The following AP1M1 variants were observed in gnomAD, a reference collection of about 807,000 sequenced individuals.
AP1M1 encodes adaptor related protein complex 1 subunit mu 1.
Under a neutral mutation model 57.1 loss-of-function variants are expected in AP1M1, and 18 were observed. That is an observed-to-expected ratio of 0.32 (90% confidence interval 0.22 to 0.47). AP1M1 has a LOEUF of 0.47. AP1M1 is among the 20% of genes least tolerant of loss of function. AP1M1 has a pLI of 1.00. For missense variants in AP1M1, 362 were observed against 593.5 expected (o/e 0.61, Z 4.05); for synonymous variants, 241 against 237.9 (o/e 1.01, Z -0.12).
At position 16,227,047 on chromosome 19, in the gene AP1M1, C is replaced by G. The variant is rs531693205; in HGVS notation, c.673+500C>G. ...TGTCACAGGCCACTGGAAGAGGGTG[C>G]AGTGGCTGGGCATGCCCCCGTTCCT... On this transcript the variant is annotated intron_variant, in intron 6 of 11. Coordinates refer to ENST00000291439, the MANE Select transcript of AP1M1 (RefSeq NM_032493.4). The surrounding 1 kb of genome is among the most constrained non-coding windows in gnomAD (Gnocchi z 6.2). 4.6e-5 allele frequency among the ~76,000 whole-genome samples: 7 copies of G among 152,288 alleles called. No homozygotes were observed. The East Asian group carries it at 1.2e-3, about 25-fold the overall frequency.
Position 16,234,227 on chromosome 19 carries a change from G to C in AP1M1, c.1202G>C (p.Ser401Thr). The change falls in exon 11 of 12, where the codon AGT becomes ACT. Residue 401 changes from serine (S) to threonine (T), a missense_variant. Ser to Thr is a moderately conservative substitution (Grantham distance 58). Transcript: ENST00000291439. The stretch of plus-strand genomic sequence containing the variant: ...CGCTACCTGAAGATCATTGAGAAGA[G>C]TGGGTACCAGGCCCTGCCCTGGGTG... ...QVRYLKIIEK[S>T]GYQALPWVRY... 1.2e-6 allele frequency: 2 copies of C among 1,613,948 alleles called. No individual in the cohort carries two copies. Among genetic ancestry groups the C allele is most frequent in the Non-Finnish European group, 1.7e-6 (2 of 1,179,906 alleles).
At position 16,206,313 on chromosome 19, in the gene AP1M1, A is replaced by T; in HGVS notation, c.200-28A>T. The T allele has an allele frequency of 6.2e-7, 1 of 1,613,352 alleles. No homozygotes were observed. The highest frequency in any genetic ancestry group is 8.5e-7 in the Non-Finnish European group (1 of 1,179,418). On this transcript the variant is annotated intron_variant, in intron 2 of 11. Coordinates refer to ENST00000291439, the MANE Select transcript of AP1M1 (RefSeq NM_032493.4). This position sits in a 1 kb window ranked among gnomAD's most constrained non-coding sequence, Gnocchi z 4.3. The stretch of plus-strand genomic sequence containing the variant: ...TCCAGGCAGCAGCCCCAGCCTCTGA[A>T]TGCTCCTTAACTGTGGCCGCCATGC...
Position 16,234,831 on chromosome 19 carries a change from G to A in AP1M1, c.*396G>A, listed in dbSNP as rs1568357163. On this transcript the variant is annotated 3_prime_UTR_variant, in exon 12 of 12. Transcript: ENST00000291439. ...AGCGCCAGCCTCGCCAGGCCAGCAG[G>A]GGCGTCGTTTTGTTGCCATTTTGTT... 13 of 343,762 alleles carry A rather than the reference G, an allele frequency of 3.8e-5. No individual in the cohort carries two copies. The East Asian group carries it at 7.3e-4, about 19-fold the overall frequency. The allele number at this position is 343,762 out of a possible 1,614,324, so 21.3% of individuals were successfully genotyped here.
intron 2 of AP1M1, among the ~76,000 whole-genome samples, chr19:16,204,622 C>T (rs562490509): frequency 7.9e-5 from 12 of 152,300 alleles, no homozygotes; most frequent in African/African-American, 2.6e-4. Flanking sequence ...CCAGAATATC[C>T]GCTGGGAGCC....
chr19:16,214,744 C>A (rs80084799), intron 5 of AP1M1, among the ~76,000 whole-genome samples: 1,761 of 151,836 alleles, frequency 0.012, 43 homozygotes, highest in African/African-American at 0.04. Context: ...CTGAAAGGAT[C>A]TTTTTTATTC....
At chr19:16,216,484 G>A (rs1346200322) in intron 5 of AP1M1, among the ~76,000 whole-genome samples, 2 of 152,096 alleles carry the variant, frequency 1.3e-5, no homozygotes, top group Admixed American at 1.3e-4. Context: ...AACTACTGCA[G>A]TTTGGAGGAA....
At chr19:16,232,934 C>A (rs1263812378) in intron 9 of AP1M1, among the ~76,000 whole-genome samples, 2 of 152,194 alleles carry the variant, frequency 1.3e-5, no homozygotes, top group Non-Finnish European at 2.9e-5. Context: ...ACCCCCTGCT[C>A]ACCCTCAGGA....
intron 2 of AP1M1, among the ~76,000 whole-genome samples, chr19:16,205,649 C>A (rs2091466440): frequency 6.6e-6 from 1 of 152,184 alleles, no homozygotes; most frequent in South Asian, 2.1e-4. Flanking sequence ...GAAGAACCAG[C>A]CTTCTCTGGC....
intron 5 of AP1M1, among the ~76,000 whole-genome samples, chr19:16,213,068 G>A (rs566557965): frequency 4.6e-5 from 7 of 152,062 alleles, no homozygotes; most frequent in South Asian, 2.1e-4. Context: ...ATATTCTCTC[G>A]TTTTTGGGTG....
rs2091478360 is a variant in AP1M1, at chr19:16,208,284, G to A, written c.398+135G>A. 27 of 1,001,404 alleles carry A rather than the reference G, an allele frequency of 2.7e-5. No homozygotes were observed. In the South Asian group the frequency reaches 3.7e-4, roughly 14 times the overall value. The allele number at this position is 1,001,404 out of a possible 1,614,324, so 62.0% of individuals were successfully genotyped here. ...CTGCCTCCCACCTCCAGCAGTATTC[G>A]GGTTTTTACTAAGTTGCTCTTAGTG... On this transcript the variant is annotated intron_variant, in intron 4 of 11. Coordinates refer to ENST00000291439, the MANE Select transcript of AP1M1 (RefSeq NM_032493.4).
At chr19:16,199,348 C>CT (rs1466806070) in intron 1 of AP1M1, among the ~76,000 whole-genome samples, 2 of 152,158 alleles carry the variant, frequency 1.3e-5, no homozygotes, top group East Asian at 3.8e-4. Context: ...TCTGAGAAAA[C>CT]TTTAAGAAGG....
rs904616133 is a variant in AP1M1, at chr19:16,227,810, C to T, written c.816+120C>T. ...ACCCCACGCTCCATGAGCTGCCTGG[C>T]TCTGCAGAGATGGAGTCTGAGGACT... On this transcript the variant is annotated intron_variant, in intron 7 of 11. Transcript: ENST00000291439. The surrounding 1 kb of genome is among the most constrained non-coding windows in gnomAD (Gnocchi z 6.2). The T allele has an allele frequency of 2.3e-6, 3 of 1,305,126 alleles. No homozygotes were observed. Among genetic ancestry groups the T allele is most frequent in the African/African-American group, 1.5e-5 (1 of 68,854 alleles). 80.8% of individuals were successfully genotyped at this position (1,305,126 alleles called of 1,614,324 possible). A position where few individuals can be genotyped will look rare whatever the true frequency, so the allele number is the denominator to read the frequency against.
intron 2 of AP1M1, among the ~76,000 whole-genome samples, chr19:16,205,450 A>T (rs1352123302): frequency 2.6e-5 from 4 of 152,120 alleles, no homozygotes; most frequent in Non-Finnish European, 5.9e-5. Context: ...AGCAGGAGGG[A>T]GGCCAGCACT....
Position 16,228,927 on chromosome 19 carries a change from C to T in AP1M1, c.1046C>T (p.Pro349Leu), listed in dbSNP as rs1453358092. The T allele has an allele frequency of 6.2e-6, 10 of 1,613,836 alleles. No individual in the cohort carries two copies. The highest frequency in any genetic ancestry group is 2.7e-5 in the African/African-American group (2 of 75,036). The change falls in exon 9 of 12, where the codon CCG (proline) becomes CTG (leucine). Residue 349 changes from proline to leucine, a missense_variant and splice_region_variant. Physicochemically the swap from Pro to Leu is moderately conservative, Grantham distance 98. Coordinates refer to ENST00000291439, the MANE Select transcript of AP1M1 (RefSeq NM_032493.4). This position sits in a 1 kb window ranked among gnomAD's most constrained non-coding sequence, Gnocchi z 5.0. ...SEIVWSIKSF[P>L]GGKEYLMRAH... ...ATCGTGTGGTCCATCAAGTCCTTCC[C>T]GGTGAGCACTCTGTCCAGACATCCA...
At chr19:16,214,352 C>T (rs1451359223) in intron 5 of AP1M1, among the ~76,000 whole-genome samples, 6 of 123,562 alleles carry the variant, frequency 4.9e-5, no homozygotes, top group East Asian at 2.5e-4. Context: ...CCACTGCACC[C>T]GGCCTTTTTT....
chr19:16,244,653 A>AC lies in AP1M1; in HGVS notation c.*10222dup, dbSNP rs1250184751. 9 of 151,892 alleles carry AC rather than the reference A, an allele frequency of 5.9e-5. No individual in the cohort carries two copies. The East Asian group carries it at 1.4e-3, about 23-fold the overall frequency. 9.4% of individuals were successfully genotyped at this position (151,892 alleles called of 1,614,324 possible). ...AGACCATCCTGGCTAACACGGTGAA[A>AC]CCCCGTCTCTACTAAAAATACAAAA... On this transcript the variant is annotated 3_prime_UTR_variant, in exon 12 of 12. Transcript: ENST00000291439.
At chr19:16,231,084 C>T (rs899734291) in intron 9 of AP1M1, among the ~76,000 whole-genome samples, 2 of 151,860 alleles carry the variant, frequency 1.3e-5, no homozygotes, top group Non-Finnish European at 2.9e-5. Context: ...GTCAGGAGAT[C>T]AAGACCATCC....
Position 16,244,861 on chromosome 19 carries a change from T to TAAATAAA in AP1M1, c.*10428_*10429insATAAAAA, listed in dbSNP as rs2091657672. 1 of 146,704 alleles carries TAAATAAA rather than the reference T, an allele frequency of 6.8e-6. No homozygotes were observed. Among genetic ancestry groups the TAAATAAA allele is most frequent in the Non-Finnish European group, 1.5e-5 (1 of 66,240 alleles). 9.1% of individuals were successfully genotyped at this position (146,704 alleles called of 1,614,324 possible). A position where few individuals can be genotyped will look rare whatever the true frequency, so the allele number is the denominator to read the frequency against. ...CAAAATAAATAAATAAATAAATAAA[T>TAAATAAA]AACATGGATAAAATTTGTTGTTTGT... On this transcript the variant is annotated 3_prime_UTR_variant, in exon 12 of 12. Coordinates refer to ENST00000291439, the MANE Select transcript of AP1M1 (RefSeq NM_032493.4).
Position 16,228,027 on chromosome 19 carries a change from G to T in AP1M1, c.817-110G>T. ...GCTGTACGCTCCCTGCAGGGCTCTG[G>T]GCCCACACCTGGGCAGATGGTCCCT... On this transcript the variant is annotated intron_variant, in intron 7 of 11. Transcript: ENST00000291439. This position sits in a 1 kb window ranked among gnomAD's most constrained non-coding sequence, Gnocchi z 5.0. 8.6e-7 allele frequency: 1 copy of T among 1,156,566 alleles called. No individual in the cohort carries two copies. 71.6% of individuals were successfully genotyped at this position (1,156,566 alleles called of 1,614,324 possible).
Sources: gnomAD v4.1 joint callset for allele counts (sites outside exome capture counted in the v4.1 genomes callset) on GRCh38, gnomAD v4.1.1 for gene constraint, Gnocchi (gnomAD v3.1) non-coding constraint, MANE v1.5 for transcripts, NCBI Gene and HGNC (gene_info 2026-07-23, HGNC 2026-07-21) for gene names.